Variants in MYT1L observed in about 807,000 individuals in gnomAD.
MYT1L encodes the protein myelin transcription factor 1-like protein.
In MYT1L, 12 loss-of-function variants were observed where a neutral mutation model predicts 126.7. That is an observed-to-expected ratio of 0.09 (90% confidence interval 0.06 to 0.15). The LOEUF (loss-of-function observed/expected upper bound fraction) is 0.15. MYT1L is among the 10% of genes least tolerant of loss of function. The pLI, the probability that MYT1L is intolerant of heterozygous loss-of-function variation, is 1.00. For missense variants in MYT1L, 979 were observed against 1,585.2 expected (o/e 0.62, Z 6.49); for synonymous variants, 541 against 604.2 (o/e 0.90, Z 1.53).
rs897537073 is a variant in MYT1L, at chr2:1,910,444, T to C, written c.1710-97A>G. 4.3e-6 allele frequency: 5 copies of C among 1,157,230 alleles called. No individual in the cohort carries two copies. The African/African-American group carries it at 7.6e-5, about 18-fold the overall frequency. 71.7% of individuals were successfully genotyped at this position (1,157,230 alleles called of 1,614,324 possible). Reference sequence around the variant, plus strand: ...ACCAAGACCCTGATGCAGGTGGAGCTGGTGAGGGAGGGGTAGTTTCCCAAA... The same window carrying C: ...ACCAAGACCCTGATGCAGGTGGAGCCGGTGAGGGAGGGGTAGTTTCCCAAA... On this transcript the variant is annotated intron_variant, in intron 12 of 24. Coordinates refer to ENST00000647738, the MANE Select transcript of MYT1L (RefSeq NM_001303052.2). This position sits in a 1 kb window ranked among gnomAD's most constrained non-coding sequence, Gnocchi z 4.8.
At chr2:1,942,037 G>T (rs2056711055) in intron 9 of MYT1L, among the ~76,000 whole-genome samples, 1 of 152,168 alleles carries the variant, frequency 6.6e-6, no homozygotes. Context: ...CTGGTAATCA[G>T]ATTCTTGAAG....
intron 14 of MYT1L, among the ~76,000 whole-genome samples, chr2:1,902,275 T>C (rs2050447095): frequency 6.6e-6 from 1 of 152,244 alleles, no homozygotes; most frequent in Non-Finnish European, 1.5e-5. Context: ...CAAAATAAAC[T>C]ACCCCTTTCC....
At chr2:2,148,211 T>C (rs926917601) in intron 3 of MYT1L, among the ~76,000 whole-genome samples, 3 of 152,170 alleles carry the variant, frequency 2.0e-5, no homozygotes, top group Non-Finnish European at 4.4e-5. Flanking sequence ...CTCCCCAACC[T>C]TTTTGGCACC....
chr2:2,003,968 TGCAGG>T (rs2062705421), intron 4 of MYT1L, among the ~76,000 whole-genome samples: 1 of 151,352 alleles, frequency 6.6e-6, no homozygotes, highest in African/African-American at 2.4e-5. Context: ...CGTTCTTTCC[TGCAGG>T]CATTCTTTCC....
intron 3 of MYT1L, among the ~76,000 whole-genome samples, chr2:2,164,808 C>T (rs1231468109): frequency 6.6e-6 from 1 of 152,164 alleles, no homozygotes; most frequent in African/African-American, 2.4e-5. Flanking sequence ...TGCCTTTAGC[C>T]CTTGCCTTTA....
rs1478815616 is a variant in MYT1L, at chr2:2,262,872, T to C, written c.-421+21532A>G. On this transcript the variant is annotated intron_variant, in intron 2 of 24. Coordinates refer to ENST00000647738, the MANE Select transcript of MYT1L (RefSeq NM_001303052.2). ...AGATTATGTTATGAACAGTGATTTATTTGGAAAGAATTTTGATGTTTTTAC... is the reference window on the plus strand; with the variant it reads ...AGATTATGTTATGAACAGTGATTTACTTGGAAAGAATTTTGATGTTTTTAC... Among the ~76,000 whole-genome samples the C allele has an allele frequency of 2.6e-5, 3 of 115,746 alleles. No homozygotes were observed. In the Admixed American group the frequency reaches 2.7e-4, roughly 11 times the overall value. 75.9% of individuals were successfully genotyped at this position (115,746 alleles called of 152,430 possible). A position where few individuals can be genotyped will look rare whatever the true frequency, so the allele number is the denominator to read the frequency against.
chr2:1,815,300 C>A (rs749075488), intron 21 of MYT1L, among the ~76,000 whole-genome samples: 1 of 152,202 alleles, frequency 6.6e-6, no homozygotes, highest in Non-Finnish European at 1.5e-5. Context: ...ATGTCTCTGC[C>A]ACCTTCGCTG....
At chr2:2,079,378 C>T (rs1367551337) in intron 3 of MYT1L, among the ~76,000 whole-genome samples, 2 of 152,116 alleles carry the variant, frequency 1.3e-5, no homozygotes, top group African/African-American at 2.4e-5. Context: ...GTTCACAGAT[C>T]AGAATATTTA....
intron 3 of MYT1L, among the ~76,000 whole-genome samples, chr2:2,117,052 T>G (rs2080305318): frequency 1.3e-5 from 2 of 152,302 alleles, no homozygotes; most frequent in Admixed American, 6.5e-5. Flanking sequence ...GGTTTCCACA[T>G]GGCAGCAGCT....
chr2:2,296,556 G>T (rs1278268422), intron 1 of MYT1L, among the ~76,000 whole-genome samples: 2 of 152,040 alleles, frequency 1.3e-5, no homozygotes, highest in African/African-American at 4.8e-5. Flanking sequence ...CAGATGTTTT[G>T]TTTTTTTCTA....
chr2:2,292,453 A>G (rs2095613524), intron 1 of MYT1L, among the ~76,000 whole-genome samples: 1 of 152,184 alleles, frequency 6.6e-6, no homozygotes, highest in African/African-American at 2.4e-5. Context: ...TTCCTTTGCT[A>G]TTTTTTATTT....
At chr2:1,952,721 TCCTTCCCTTCCCTCCTTCCTTC>T (rs1558515586) in intron 8 of MYT1L, among the ~76,000 whole-genome samples, 5 of 52,934 alleles carry the variant, frequency 9.4e-5, no homozygotes, top group South Asian at 1.1e-3. Flanking sequence ...CTTCCCTCCT[TCCTTCCCTTCCCTCCTTCCTTC>T]CCTTCCCTCC....
intron 1 of MYT1L, chr2:2,306,090 T>A (rs2095853975): frequency 6.6e-6 from 1 of 152,234 alleles, no homozygotes; most frequent in Non-Finnish European, 1.5e-5. Context: ...TTCTTTGCCA[T>A]GAACCCGAGT....
At chr2:1,817,488 T>C (rs1349387436) in intron 21 of MYT1L, among the ~76,000 whole-genome samples, 1 of 152,242 alleles carries the variant, frequency 6.6e-6, no homozygotes, top group African/African-American at 2.4e-5. Context: ...AGCAGGAGCC[T>C]TCAGCAAGAG....
Position 2,313,842 on chromosome 2 carries a change from T to C in MYT1L, c.-521+17125A>G, listed in dbSNP as rs56071392. On this transcript the variant is annotated intron_variant, in intron 1 of 24. Coordinates refer to ENST00000647738, the MANE Select transcript of MYT1L (RefSeq NM_001303052.2). ...CATGTTGAAACCTGAATTAAATAGCTTACTTATCTCGATACATACGTTTAT... is the reference window on the plus strand; with the variant it reads ...CATGTTGAAACCTGAATTAAATAGCCTACTTATCTCGATACATACGTTTAT... Among the ~76,000 whole-genome samples, 967 of 152,348 alleles carry C rather than the reference T, an allele frequency of 6.3e-3. 4 individuals are homozygous for C. Among genetic ancestry groups the C allele is most frequent in the Non-Finnish European group, 9.7e-3 (661 of 68,036 alleles).
chr2:2,200,037 G>A (rs1330608699), intron 2 of MYT1L, among the ~76,000 whole-genome samples: 2 of 152,094 alleles, frequency 1.3e-5, no homozygotes, highest in Admixed American at 6.5e-5. Context: ...TCATACACAC[G>A]CTGGGCCTTA....
intron 1 of MYT1L, among the ~76,000 whole-genome samples, chr2:2,312,478 T>G (rs2095989163): frequency 6.6e-6 from 1 of 151,814 alleles, no homozygotes; most frequent in African/African-American, 2.4e-5. Flanking sequence ...CCAGGTGGGG[T>G]GACATGCACC....
chr2:2,254,674 G>A (rs576863819), intron 2 of MYT1L, among the ~76,000 whole-genome samples: 5 of 152,146 alleles, frequency 3.3e-5, no homozygotes, highest in Non-Finnish European at 7.3e-5. Context: ...TATAGATACA[G>A]AATGGCAAAG....
intron 2 of MYT1L, among the ~76,000 whole-genome samples, chr2:2,265,443 TTTA>T (rs2095103106): frequency 6.6e-6 from 1 of 152,108 alleles, no homozygotes. Flanking sequence ...AAATGATAAC[TTTA>T]TTATTTTAAT....
Sources: allele counts gnomAD v4.1 joint callset (sites outside exome capture counted in the v4.1 genomes callset), GRCh38; gene constraint gnomAD v4.1.1; non-coding constraint Gnocchi (gnomAD v3.1); transcripts MANE v1.5; gene names NCBI Gene and HGNC (gene_info 2026-07-23, HGNC 2026-07-21).